The following PPIL6 variants were observed in gnomAD, a reference collection of about 807,000 sequenced individuals.
The protein encoded by PPIL6 is probable inactive peptidyl-prolyl cis-trans isomerase-like 6.
PPIL6 carries 39 observed loss-of-function variants against 36.8 expected under a neutral mutation model. The ratio of observed to expected loss-of-function variants is 1.06; its 90% CI spans 0.82 to 1.38. PPIL6 has a LOEUF of 1.38. Among genes scored for constraint, PPIL6 ranks in the 40% most tolerant of loss-of-function variants. The pLI is 0.00. For missense variants in PPIL6, 368 were observed against 379.1 expected, an observed-to-expected ratio of 0.97 and a Z score of 0.24; for synonymous variants, 123 against 134.1, an observed-to-expected ratio of 0.92 and a Z score of 0.57.
intron 6 of PPIL6, among the ~76,000 whole-genome samples, chr6:109,416,274 C>T (rs549857093): frequency 4.8e-5 from 7 of 144,408 alleles, no homozygotes; most frequent in African/African-American, 1.8e-4. Flanking sequence ...GTGATCTCGG[C>T]TCACTGCAAC....
intron 2 of PPIL6, among the ~76,000 whole-genome samples, chr6:109,435,479 G>A (rs181598608): frequency 3.9e-5 from 6 of 151,966 alleles, no homozygotes; most frequent in East Asian, 2.0e-4. Context: ...TGTATTTTTC[G>A]TAGAGACGGA....
chr6:109,410,055 C>A (rs1411713001), intron 6 of PPIL6, among the ~76,000 whole-genome samples: 3 of 152,010 alleles, frequency 2.0e-5, no homozygotes, highest in African/African-American at 7.3e-5. Flanking sequence ...GACCAGCAGA[C>A]CCATGGATTA....
At position 109,392,633 on chromosome 6, in the gene PPIL6, AGT is replaced by A; in HGVS notation, c.*191_*192del. ...GGCTGCAAAGGAGTCTAGGAAATTG[AGT>A]ACCACCCTTTCACAGTCTCTATGAC... On this transcript the variant is annotated 3_prime_UTR_variant, in exon 8 of 8. Transcript: ENST00000521072. 1 of 506,378 alleles carries A rather than the reference AGT, an allele frequency of 2.0e-6. No homozygotes were observed. The allele number at this position is 506,378 out of a possible 1,614,324, so 31.4% of individuals were successfully genotyped here.
intron 6 of PPIL6, among the ~76,000 whole-genome samples, chr6:109,405,555 C>T (rs1018137163): frequency 2.0e-4 from 31 of 152,200 alleles, no homozygotes; most frequent in Non-Finnish European, 1.6e-4. Context: ...TGCTATAATA[C>T]TTGTTTTGAA....
At chr6:109,425,524 G>A (rs146902802) in intron 5 of PPIL6, among the ~76,000 whole-genome samples, 3 of 152,160 alleles carry the variant, frequency 2.0e-5, no homozygotes, top group East Asian at 1.9e-4. Context: ...TGAGGCGTGC[G>A]GATCACCTGA....
chr6:109,407,397 G>A (rs534913870), intron 6 of PPIL6, among the ~76,000 whole-genome samples: 3 of 152,114 alleles, frequency 2.0e-5, no homozygotes, highest in East Asian at 1.9e-4. Flanking sequence ...CCGCCACCGC[G>A]CCTGGCTAAT....
intron 6 of PPIL6, among the ~76,000 whole-genome samples, chr6:109,401,722 G>A (rs1412970679): frequency 8.4e-6 from 1 of 119,634 alleles, no homozygotes; most frequent in Non-Finnish European, 1.6e-5. Flanking sequence ...GACTCAGAGA[G>A]TTTTTCTTTT....
At chr6:109,433,080 C>G (rs1424199651) in intron 2 of PPIL6, among the ~76,000 whole-genome samples, 2 of 149,274 alleles carry the variant, frequency 1.3e-5, no homozygotes, top group African/African-American at 2.5e-5. Context: ...TTTTTGAGAC[C>G]GAGTCTTGCT....
At chr6:109,430,508 C>T (rs1774079180) in intron 3 of PPIL6, among the ~76,000 whole-genome samples, 1 of 151,986 alleles carries the variant, frequency 6.6e-6, no homozygotes, top group African/African-American at 2.4e-5. Flanking sequence ...CTCACTGCAA[C>T]CTCCACCTCC....
intron 7 of PPIL6, among the ~76,000 whole-genome samples, chr6:109,398,586 A>G (rs909061748): frequency 6.6e-6 from 1 of 152,224 alleles, no homozygotes; most frequent in Non-Finnish European, 1.5e-5. Flanking sequence ...GGAGTGATGA[A>G]AAGTATTTCT....
intron 6 of PPIL6, among the ~76,000 whole-genome samples, chr6:109,401,239 T>C (rs953792203): frequency 6.6e-6 from 1 of 152,092 alleles, no homozygotes; most frequent in African/African-American, 2.4e-5. Flanking sequence ...TGGAAAGCAA[T>C]AGCTTTTTTA....
At chr6:109,411,760 C>T (rs1187071055) in intron 6 of PPIL6, among the ~76,000 whole-genome samples, 7 of 152,196 alleles carry the variant, frequency 4.6e-5, no homozygotes, top group Admixed American at 3.9e-4. Flanking sequence ...ATCTACTGAC[C>T]TGGAGAATGA....
At chr6:109,398,010 GC>G (rs1254878271) in intron 7 of PPIL6, among the ~76,000 whole-genome samples, 3 of 151,824 alleles carry the variant, frequency 2.0e-5, no homozygotes, top group African/African-American at 7.3e-5. Flanking sequence ...TCCTGCCTCA[GC>G]CTCCTGAGTA....
In PPIL6 at chr6:109,391,351, C is replaced by G. The variant is rs941768161; in HGVS notation, c.*1475G>C. On this transcript the variant is annotated 3_prime_UTR_variant, in exon 8 of 8. Transcript: ENST00000521072. ...TCTTAGTCTGGGCAGAGCAGGGGCA[C>G]AGGGTAGTGGTGGTAACAGGAGCTG... is the stretch of plus-strand genomic sequence containing the variant. 6.9e-6 allele frequency: 1 copy of G among 144,796 alleles called. No homozygotes were observed. The highest frequency in any genetic ancestry group is 1.5e-5 in the Non-Finnish European group (1 of 66,946). The allele number at this position is 144,796 out of a possible 1,614,324, so 9.0% of individuals were successfully genotyped here. A position where few individuals can be genotyped will look rare whatever the true frequency, so the allele number is the denominator to read the frequency against.
intron 1 of PPIL6, among the ~76,000 whole-genome samples, chr6:109,437,168 T>C (rs1407838165): frequency 1.3e-5 from 2 of 152,244 alleles, no homozygotes; most frequent in Non-Finnish European, 2.9e-5. Context: ...ATATTCGTTA[T>C]ACTTTGTCTC....
At chr6:109,405,536 T>C (rs7754650) in intron 6 of PPIL6, among the ~76,000 whole-genome samples, 57,737 of 152,124 alleles carry the variant, frequency 0.38, 11,302 homozygotes, top group South Asian at 0.51. Flanking sequence ...TCCTCTGTCC[T>C]GTCAGTTCTG....
rs906820403 is a variant in PPIL6 at position 109,392,919 on chromosome 6, T to C, written c.843A>G (p.Thr281=). 2 of 1,608,838 alleles carry C rather than the reference T, an allele frequency of 1.2e-6. No individual in the cohort carries two copies. Among genetic ancestry groups the C allele is most frequent in the Admixed American group, 1.7e-5 (1 of 59,380 alleles). The part of the protein sequence containing the change: ...FVAFGQLIEG[T]EVLKQLELVP... The stretch of plus-strand genomic sequence containing the variant: ...CTAATTCTAGTTGTTTAAGCACTTC[T>C]GTTCCTTCAATCAGTTGCCTACATA... Residue 281 remains threonine (T), a synonymous_variant, in exon 8 of 8, where the codon ACA becomes ACG. Coordinates refer to ENST00000521072, the MANE Select transcript of PPIL6 (RefSeq NM_173672.5).
At chr6:109,412,076 T>C (rs1003121523) in intron 6 of PPIL6, among the ~76,000 whole-genome samples, 12 of 152,252 alleles carry the variant, frequency 7.9e-5, no homozygotes, top group African/African-American at 2.4e-4. Context: ...TGTCCATCAA[T>C]GTGCCATGTC....
chr6:109,419,594 G>A (rs190143512), intron 5 of PPIL6, among the ~76,000 whole-genome samples: 45 of 152,080 alleles, frequency 3.0e-4, no homozygotes, highest in Admixed American at 2.4e-3. Flanking sequence ...GTGGTGGCAT[G>A]TGCCTGTAAT....
Sources: gnomAD v4.1 joint callset for allele counts (sites outside exome capture counted in the v4.1 genomes callset) on GRCh38, gnomAD v4.1.1 for gene constraint, MANE v1.5 for transcripts, NCBI Gene and HGNC (gene_info 2026-07-23, HGNC 2026-07-21) for gene names.